NBAS: variants seen among roughly 807,000 people sequenced by gnomAD.
NBAS encodes NBAS subunit of NRZ tethering complex.
A neutral mutation model predicts 302.5 loss-of-function variants in NBAS; 219 were observed. That is an observed-to-expected ratio of 0.72 (90% CI 0.65 to 0.81). The LOEUF (loss-of-function observed/expected upper bound fraction) is 0.81, where lower values mean the gene tolerates loss of function less well. Among genes scored for constraint, NBAS ranks in the 30% least tolerant of loss-of-function variants. The pLI, the probability that NBAS is intolerant of heterozygous loss-of-function variation, is 0.00. For synonymous variants in NBAS, 1,118 were observed against 1,021.6 expected (o/e 1.09, Z -1.80); for missense variants, 2,932 against 2,841.6 (o/e 1.03, Z -0.72).
At chr2:14,838,614 G>C in the NBAS span, among the ~76,000 whole-genome samples, 5 of 151,950 alleles carry the variant, frequency 3.3e-5, no homozygotes, top group Non-Finnish European at 7.4e-5. Context: ...GATGTATGCT[G>C]TGATTTTTTA....
chr2:15,429,633 C>T (rs1294758804), intron 21 of NBAS, among the ~76,000 whole-genome samples: 2 of 152,014 alleles, frequency 1.3e-5, no homozygotes, highest in African/African-American at 2.4e-5. Flanking sequence ...ATTATTGGGG[C>T]AAATTATCCA....
the NBAS span, among the ~76,000 whole-genome samples, chr2:15,026,634 T>C: frequency 1.4e-4 from 22 of 152,308 alleles, no homozygotes; most frequent in East Asian, 4.2e-3. Flanking sequence ...TGGATTAGCT[T>C]TTTAATGTGC....
the NBAS span, among the ~76,000 whole-genome samples, chr2:14,985,152 G>C: frequency 1.3e-5 from 2 of 152,118 alleles, no homozygotes; most frequent in African/African-American, 4.8e-5. Context: ...CTTCGGAATT[G>C]GTATATTTGC....
At position 15,168,477 on chromosome 2, in the gene NBAS, T is replaced by C. The variant is rs531893011; in HGVS notation, c.6841-1154A>G. ...CCCACAGGGGTCATTCAAAACCCAA[T>C]GTAAACATCACCTCCAATGCCATCT... is the stretch of plus-strand genomic sequence containing the variant. On this transcript the variant is annotated intron_variant, in intron 51 of 51. Transcript: ENST00000281513. Among the ~76,000 whole-genome samples the C allele has an allele frequency of 3.3e-5, 5 of 152,326 alleles. No homozygotes were observed. The East Asian group carries it at 9.6e-4, about 29-fold the overall frequency.
At chr2:15,047,337 G>A in the NBAS span, among the ~76,000 whole-genome samples, 51 of 152,280 alleles carry the variant, frequency 3.3e-4, no homozygotes, top group Non-Finnish European at 5.3e-4. Flanking sequence ...GGCAAACCAA[G>A]TGGCAGGTGA....
chr2:15,203,227 T>C (rs1255936990), intron 48 of NBAS, among the ~76,000 whole-genome samples: 1 of 152,242 alleles, frequency 6.6e-6, no homozygotes, highest in Non-Finnish European at 1.5e-5. Context: ...TTCATAGTTA[T>C]ATATCATTCT....
At chr2:15,558,130 T>C (rs1664730129) in intron 2 of NBAS, among the ~76,000 whole-genome samples, 1 of 152,246 alleles carries the variant, frequency 6.6e-6, no homozygotes, top group Admixed American at 6.5e-5. Context: ...AATTTTTCCA[T>C]GCAACCTAGA....
intron 22 of NBAS, among the ~76,000 whole-genome samples, chr2:15,424,967 C>G (rs1677396887): frequency 6.6e-6 from 1 of 152,068 alleles, no homozygotes; most frequent in African/African-American, 2.4e-5. Flanking sequence ...TATACCTCTA[C>G]TAGGTGCCAG....
chr2:15,231,138 G>A (rs1308168667), intron 47 of NBAS, among the ~76,000 whole-genome samples: 1 of 152,126 alleles, frequency 6.6e-6, no homozygotes, highest in Non-Finnish European at 1.5e-5. Context: ...ACTCCTTTGT[G>A]ACTTCACACA....
intron 44 of NBAS, among the ~76,000 whole-genome samples, chr2:15,273,203 C>T (rs1315545053): frequency 6.6e-6 from 1 of 152,154 alleles, no homozygotes; most frequent in Non-Finnish European, 1.5e-5. Context: ...GACCTGCTGG[C>T]CTGTTAGCCC....
At chr2:14,846,805 A>G in the NBAS span, among the ~76,000 whole-genome samples, 1 of 152,160 alleles carries the variant, frequency 6.6e-6, no homozygotes, top group Non-Finnish European at 1.5e-5. Flanking sequence ...TCAAATCAAA[A>G]AACATAAAAT....
intron 47 of NBAS, among the ~76,000 whole-genome samples, chr2:15,228,556 T>C (rs902918388): frequency 2.0e-5 from 3 of 152,256 alleles, no homozygotes; most frequent in Non-Finnish European, 2.9e-5. Context: ...ATTGCAGTAC[T>C]ATTCATAATA....
chr2:15,277,931 T>C (rs943936691), intron 42 of NBAS, among the ~76,000 whole-genome samples: 1 of 152,112 alleles, frequency 6.6e-6, no homozygotes, highest in African/African-American at 2.4e-5. Flanking sequence ...ATGAGTTTCA[T>C]ACTCCCTAAT....
Position 15,234,577 on chromosome 2 carries a change from C to G in NBAS, c.6114G>C (p.Gln2038His), listed in dbSNP as rs758776096. 6.2e-7 allele frequency: 1 copy of G among 1,614,104 alleles called. No homozygotes were observed. Among genetic ancestry groups the G allele is most frequent in the Non-Finnish European group, 8.5e-7 (1 of 1,180,002 alleles). ...PLDISPKDIV[Q>H]SAIMKIISAL... is the part of the protein sequence containing the mutation. ...CAGAAATTATTTTCATGATTGCACT[C>G]TGCACTATATCCTTGGGTGAGATGT... The change falls in exon 46 of 52, where the codon CAG becomes CAC. Residue 2038 changes from glutamine to histidine, a missense_variant. By Grantham distance (24) the Gln-to-His change is conservative (BLOSUM62 0). Coordinates refer to ENST00000281513, the MANE Select transcript of NBAS (RefSeq NM_015909.4).
At chr2:14,920,045 AATCACT>A in the NBAS span, among the ~76,000 whole-genome samples, 4 of 152,208 alleles carry the variant, frequency 2.6e-5, no homozygotes, top group Non-Finnish European at 5.9e-5. Context: ...CCATCAGGGA[AATCACT>A]ATCTATGGCA....
intron 9 of NBAS, among the ~76,000 whole-genome samples, chr2:15,524,217 A>G (rs1662811950): frequency 6.6e-6 from 1 of 152,242 alleles, no homozygotes; most frequent in South Asian, 2.1e-4. Context: ...TAAAGCCATC[A>G]TGCTGCCCTA....
At chr2:15,012,865 T>A in the NBAS span, among the ~76,000 whole-genome samples, 1 of 152,056 alleles carries the variant, frequency 6.6e-6, no homozygotes, top group Non-Finnish European at 1.5e-5. Context: ...CTATGGAATT[T>A]TTTTTTTTTT....
chr2:14,925,045 A>G, the NBAS span, among the ~76,000 whole-genome samples: 2 of 152,328 alleles, frequency 1.3e-5, no homozygotes, highest in Non-Finnish European at 2.9e-5. Context: ...AATTTCGATA[A>G]AGTTAACTTC....
intron 44 of NBAS, among the ~76,000 whole-genome samples, chr2:15,265,304 T>C (rs1669029100): frequency 6.6e-6 from 1 of 152,154 alleles, no homozygotes; most frequent in Non-Finnish European, 1.5e-5. Context: ...GAATTGGATA[T>C]CTCCTGCTTG....
Sources: gnomAD v4.1 joint callset for allele counts (sites outside exome capture counted in the v4.1 genomes callset) on GRCh38, gnomAD v4.1.1 for gene constraint, MANE v1.5 for transcripts, NCBI Gene and HGNC (gene_info 2026-07-23, HGNC 2026-07-21) for gene names.